The following MLLT3 variants were observed in gnomAD, a reference collection of about 807,000 sequenced individuals.
MLLT3 encodes the protein protein AF-9.
Under a neutral mutation model 53.2 loss-of-function variants are expected in MLLT3, and 4 were observed. The ratio of observed to expected loss-of-function variants is 0.08; its 90% confidence interval spans 0.04 to 0.17. The LOEUF (loss-of-function observed/expected upper bound fraction) is 0.17, where lower values mean the gene tolerates loss of function less well. Ranked by LOEUF, MLLT3 falls within the 10% of genes least tolerant of loss-of-function variation. The pLI is 1.00. For missense variants in MLLT3, 569 were observed against 684.0 expected (o/e 0.83, Z 1.87); for synonymous variants, 283 against 230.6 (o/e 1.23, Z -2.06).
At chr9:20,491,830 T>C (rs1006878263) in intron 2 of MLLT3, among the ~76,000 whole-genome samples, 9 of 152,142 alleles carry the variant, frequency 5.9e-5, no homozygotes, top group African/African-American at 1.9e-4. Flanking sequence ...CCATGAATTG[T>C]TGACTTTCAG....
chr9:20,426,658 T>C (rs184335506), intron 4 of MLLT3, among the ~76,000 whole-genome samples: 32 of 152,222 alleles, frequency 2.1e-4, no homozygotes, highest in African/African-American at 7.7e-4. Context: ...AACTGTTAAA[T>C]ACTATGGCTT....
chr9:20,512,535 C>A (rs1217891099), intron 2 of MLLT3, among the ~76,000 whole-genome samples: 1 of 152,182 alleles, frequency 6.6e-6, no homozygotes, highest in Admixed American at 6.5e-5. Context: ...TGCAGAACCA[C>A]TGCCCCTAAC....
intron 5 of MLLT3, among the ~76,000 whole-genome samples, chr9:20,394,052 C>A (rs1563948365): frequency 6.6e-6 from 1 of 152,170 alleles, no homozygotes; most frequent in Admixed American, 6.5e-5. Context: ...ATGCCACCAT[C>A]CCTGATTCTG....
At chr9:20,541,542 G>A (rs1236010452) in intron 2 of MLLT3, among the ~76,000 whole-genome samples, 1 of 152,074 alleles carries the variant, frequency 6.6e-6, no homozygotes, top group Non-Finnish European at 1.5e-5. Context: ...CACAAAGGAG[G>A]ACCTGCCACA....
intron 2 of MLLT3, among the ~76,000 whole-genome samples, chr9:20,618,968 C>G (rs990882547): frequency 2.0e-5 from 3 of 152,094 alleles, no homozygotes; most frequent in Non-Finnish European, 4.4e-5. Flanking sequence ...CTTATTTCAC[C>G]TTGAAGTGAA....
At chr9:20,543,882 T>C (rs1818711829) in intron 2 of MLLT3, among the ~76,000 whole-genome samples, 1 of 152,228 alleles carries the variant, frequency 6.6e-6, no homozygotes, top group Non-Finnish European at 1.5e-5. Context: ...TGATGCAAGG[T>C]TACCACAAAC....
intron 5 of MLLT3, among the ~76,000 whole-genome samples, chr9:20,388,191 T>TAG (rs1479336481): frequency 6.6e-6 from 1 of 152,218 alleles, no homozygotes; most frequent in Non-Finnish European, 1.5e-5. Flanking sequence ...TTTGAACACT[T>TAG]ATTCTAATAA....
At chr9:20,451,125 A>G (rs534930570) in intron 3 of MLLT3, among the ~76,000 whole-genome samples, 56 of 152,328 alleles carry the variant, frequency 3.7e-4, no homozygotes, top group African/African-American at 1.3e-3. Context: ...TTTGAAAGGC[A>G]TATTGCTAAC....
intron 2 of MLLT3, among the ~76,000 whole-genome samples, chr9:20,541,541 G>A (rs548202792): frequency 6.6e-5 from 10 of 152,280 alleles, no homozygotes; most frequent in South Asian, 6.2e-4. Flanking sequence ...GCACAAAGGA[G>A]GACCTGCCAC....
chr9:20,549,112 G>A (rs1818862686), intron 2 of MLLT3, among the ~76,000 whole-genome samples: 1 of 152,136 alleles, frequency 6.6e-6, no homozygotes, highest in African/African-American at 2.4e-5. Context: ...ATCACGCCCT[G>A]CCTCAAAGAT....
intron 2 of MLLT3, among the ~76,000 whole-genome samples, chr9:20,468,437 C>T (rs2118883252): frequency 6.6e-6 from 1 of 152,292 alleles, no homozygotes; most frequent in African/African-American, 2.4e-5. Flanking sequence ...CCACACTAAT[C>T]AGCCCACCTA....
rs1459036938 is a variant in MLLT3, at chr9:20,363,341, A to G, written c.1331+135T>C. ...TAAAGTGTGTGTAGGCATACCAAGG[A>G]GACCCTGCATCAAATGAATGTGACC... is the stretch of plus-strand genomic sequence containing the variant. On this transcript the variant is annotated intron_variant, in intron 7 of 10. Coordinates refer to ENST00000380338, the MANE Select transcript of MLLT3 (RefSeq NM_004529.4). The G allele has an allele frequency of 1.7e-5, 17 of 979,416 alleles. No homozygotes were observed. In the Admixed American group the frequency reaches 4.0e-4, roughly 23 times the overall value. The allele number at this position is 979,416 out of a possible 1,614,324, so 60.7% of individuals were successfully genotyped here. A position where few individuals can be genotyped will look rare whatever the true frequency, so the allele number is the denominator to read the frequency against.
intron 2 of MLLT3, among the ~76,000 whole-genome samples, chr9:20,610,094 A>C (rs1342027944): frequency 6.6e-6 from 1 of 152,148 alleles, no homozygotes; most frequent in South Asian, 2.1e-4. Flanking sequence ...AAAAGCCCAC[A>C]CAGCTTATTC....
At chr9:20,478,396 G>A (rs1291828685) in intron 2 of MLLT3, among the ~76,000 whole-genome samples, 1 of 152,090 alleles carries the variant, frequency 6.6e-6, no homozygotes, top group Non-Finnish European at 1.5e-5. Context: ...ACAATACCTG[G>A]CACAGAAGAG....
At chr9:20,484,535 C>G (rs1824757213) in intron 2 of MLLT3, among the ~76,000 whole-genome samples, 1 of 152,080 alleles carries the variant, frequency 6.6e-6, no homozygotes, top group African/African-American at 2.4e-5. Context: ...TGAGATGCAC[C>G]TACTACCCAA....
chr9:20,366,561 A>G (rs4007655), intron 5 of MLLT3, among the ~76,000 whole-genome samples: 48,819 of 152,154 alleles, frequency 0.32, 15,634 homozygotes, highest in African/African-American at 0.79. Context: ...TATATACCCC[A>G]TAATGTGATT....
At chr9:20,370,738 T>G (rs146540868) in intron 5 of MLLT3, among the ~76,000 whole-genome samples, 116 of 152,240 alleles carry the variant, frequency 7.6e-4, no homozygotes, top group Admixed American at 3.3e-3. Context: ...CTCGAACTCT[T>G]GACCTCAGGT....
At chr9:20,480,661 T>C (rs1181177444) in intron 2 of MLLT3, among the ~76,000 whole-genome samples, 1 of 152,236 alleles carries the variant, frequency 6.6e-6, no homozygotes, top group Non-Finnish European at 1.5e-5. Flanking sequence ...AGTATGCTTC[T>C]GTTCACCCTA....
intron 2 of MLLT3, among the ~76,000 whole-genome samples, chr9:20,526,457 T>G (rs1277292031): frequency 6.6e-6 from 1 of 152,220 alleles, no homozygotes; most frequent in Non-Finnish European, 1.5e-5. Flanking sequence ...ATTGCTTATG[T>G]GTATGGCTTA....
Sources: allele counts gnomAD v4.1 joint callset (sites outside exome capture counted in the v4.1 genomes callset), GRCh38; gene constraint gnomAD v4.1.1; transcripts MANE v1.5; gene names NCBI Gene and HGNC (gene_info 2026-07-23, HGNC 2026-07-21).